TRHDE: variants seen among roughly 807,000 people sequenced by gnomAD.
TRHDE encodes the protein thyrotropin-releasing hormone-degrading ectoenzyme.
TRHDE carries 72 observed loss-of-function variants against 125.7 expected under a neutral mutation model. The observed-to-expected ratio is 0.57, with a 90% CI of 0.47 to 0.70. The LOEUF is 0.70. Ranked by LOEUF, TRHDE falls within the 30% of genes least tolerant of loss-of-function variation. The pLI is 0.00. For missense variants in TRHDE, 1,110 were observed against 1,327.1 expected, an observed-to-expected ratio of 0.84 and a Z score of 2.54; for synonymous variants, 509 against 509.1, an observed-to-expected ratio of 1.00 and a Z score of 0.00.
intron 2 of TRHDE, among the ~76,000 whole-genome samples, chr12:72,248,938 A>G (rs1477233975): frequency 6.6e-6 from 1 of 152,186 alleles, no homozygotes; most frequent in African/African-American, 2.4e-5. Flanking sequence ...TTGTTTTTTA[A>G]AATAAAACAT....
chr12:72,559,518 T>C (rs1221797754), intron 7 of TRHDE, among the ~76,000 whole-genome samples: 2 of 152,170 alleles, frequency 1.3e-5, no homozygotes, highest in African/African-American at 4.8e-5. Context: ...TTTTAATCAG[T>C]CTATATTATT....
intron 2 of TRHDE, among the ~76,000 whole-genome samples, chr12:72,233,220 G>A (rs1010375384): frequency 8.5e-5 from 13 of 152,256 alleles, no homozygotes; most frequent in Non-Finnish European, 1.6e-4. Flanking sequence ...AAATGGTGCC[G>A]AGAAGGTGGA....
At chr12:72,195,654 C>G (rs1405837374) in intron 2 of TRHDE, among the ~76,000 whole-genome samples, 2 of 151,700 alleles carry the variant, frequency 1.3e-5, no homozygotes, top group African/African-American at 4.8e-5. Flanking sequence ...TTGTCAGATT[C>G]AGTTTGCAAA....
At chr12:72,155,602 T>C (rs1048111219) in intron 2 of TRHDE, among the ~76,000 whole-genome samples, 1 of 152,188 alleles carries the variant, frequency 6.6e-6, no homozygotes, top group African/African-American at 2.4e-5. Flanking sequence ...GTTAGTTTTC[T>C]TTCTAACAGT....
chr12:72,431,995 GT>G (rs1330241701), intron 3 of TRHDE: 1 of 172,764 alleles, frequency 5.8e-6, no homozygotes, highest in African/African-American at 2.4e-5. Context: ...CCCATAGAGG[GT>G]TCACTTTTGT....
rs1875332422 is a variant in TRHDE at position 72,112,221 on chromosome 12, T to G, written n.279+6469T>G. Among the ~76,000 whole-genome samples, 3 of 152,174 alleles carry G rather than the reference T, an allele frequency of 2.0e-5. No individual in the cohort carries two copies. In the South Asian group the frequency reaches 6.2e-4, roughly 32 times the overall value. On this transcript the variant is annotated intron_variant and non_coding_transcript_variant, in intron 2 of 4. Coordinates refer to the TRHDE transcript ENST00000548156. ...GCAGCAGGGTTTCCTGATGCTGTAC[T>G]AGGGCATCTGTTCAGCACTGACATA...
chr12:72,227,727 G>A (rs945261454), intron 2 of TRHDE, among the ~76,000 whole-genome samples: 2 of 152,184 alleles, frequency 1.3e-5, no homozygotes, highest in Non-Finnish European at 2.9e-5. Flanking sequence ...AAAATCAAAA[G>A]CAAGTTAGTT....
Position 72,481,784 on chromosome 12 carries a change from A to G in TRHDE, c.1584+8604A>G, listed in dbSNP as rs145152055. On this transcript the variant is annotated intron_variant, in intron 5 of 18. Transcript: ENST00000261180. ...AGCTTTGTACCTTTTCCTAGGATTG[A>G]TGAAATTAAATTCCACTGATTACAG... Among the ~76,000 whole-genome samples the G allele has an allele frequency of 5.9e-5, 9 of 152,068 alleles. No homozygotes were observed. In the East Asian group the frequency reaches 1.5e-3, roughly 26 times the overall value.
chr12:72,106,049 T>C (rs557283356), intron 2 of TRHDE, among the ~76,000 whole-genome samples: 10 of 152,142 alleles, frequency 6.6e-5, no homozygotes, highest in South Asian at 2.1e-4. Context: ...GTGGATGATA[T>C]CAGAATGTGG....
chr12:72,301,524 G>A (rs895891229), intron 2 of TRHDE, among the ~76,000 whole-genome samples: 2 of 152,192 alleles, frequency 1.3e-5, no homozygotes, highest in Admixed American at 6.5e-5. Flanking sequence ...GAGGAGTCAA[G>A]CACAGGCTGA....
At chr12:72,506,399 C>T (rs1298519900) in intron 6 of TRHDE, among the ~76,000 whole-genome samples, 4 of 152,126 alleles carry the variant, frequency 2.6e-5, no homozygotes, top group Non-Finnish European at 5.9e-5. Flanking sequence ...TAGTGATTAT[C>T]CTATGAGTAC....
intron 7 of TRHDE, among the ~76,000 whole-genome samples, chr12:72,553,252 AC>A: frequency 6.6e-6 from 1 of 152,148 alleles, no homozygotes; most frequent in Non-Finnish European, 1.5e-5. Flanking sequence ...CTGTATGATT[AC>A]AGGTTTAGAG....
At chr12:72,602,501 C>T (rs568566915) in intron 12 of TRHDE, among the ~76,000 whole-genome samples, 14 of 152,172 alleles carry the variant, frequency 9.2e-5, no homozygotes, top group African/African-American at 2.6e-4. Flanking sequence ...TCTTTCTCCA[C>T]ATGGAAGAGC....
At position 72,459,206 on chromosome 12, in the gene TRHDE, A is replaced by C. The variant is rs564801741; in HGVS notation, c.1316-10552A>C. On this transcript the variant is annotated intron_variant, in intron 3 of 18. Coordinates refer to ENST00000261180, the MANE Select transcript of TRHDE (RefSeq NM_013381.3). ...GACTCTCCTCCCATCTCCTGCTTTC[A>C]CTTTTTAAGACACTTGTGATGATAT... Among the ~76,000 whole-genome samples, 65 of 152,230 alleles carry C rather than the reference A, an allele frequency of 4.3e-4. 1 individual carries two copies. The highest frequency in any genetic ancestry group is 1.5e-3 in the African/African-American group (61 of 41,538).
chr12:72,202,399 C>T (rs1174561432), intron 2 of TRHDE, among the ~76,000 whole-genome samples: 1 of 152,194 alleles, frequency 6.6e-6, no homozygotes, highest in Non-Finnish European at 1.5e-5. Flanking sequence ...GGTATGTACA[C>T]TCTCAAAAAT....
intron 7 of TRHDE, among the ~76,000 whole-genome samples, chr12:72,548,625 C>T (rs1429851031): frequency 1.3e-5 from 2 of 151,070 alleles, no homozygotes; most frequent in African/African-American, 4.9e-5. Context: ...TTGGATTTTT[C>T]TTATTTTGTT....
intron 7 of TRHDE, among the ~76,000 whole-genome samples, chr12:72,561,190 G>T (rs1252666273): frequency 1.3e-5 from 2 of 152,162 alleles, no homozygotes; most frequent in Non-Finnish European, 2.9e-5. Context: ...CCTGTCACAG[G>T]TGTTACAATT....
chr12:72,373,636 G>C (rs1871725476), intron 2 of TRHDE, among the ~76,000 whole-genome samples: 2 of 152,164 alleles, frequency 1.3e-5, no homozygotes, highest in African/African-American at 4.8e-5. Flanking sequence ...GGAGATAGAT[G>C]GTCCTGGGGT....
At chr12:72,544,813 G>A (rs756292852) in intron 7 of TRHDE, among the ~76,000 whole-genome samples, 3 of 151,428 alleles carry the variant, frequency 2.0e-5, no homozygotes, top group Non-Finnish European at 4.4e-5. Context: ...AAAGGTAGTA[G>A]GTTTCTGGGT....
Sources: gnomAD v4.1 joint callset for allele counts (sites outside exome capture counted in the v4.1 genomes callset) on GRCh38, gnomAD v4.1.1 for gene constraint, MANE v1.5 for transcripts, NCBI Gene and HGNC (gene_info 2026-07-23, HGNC 2026-07-21) for gene names.